Variants in SH3BGRL2 observed in about 807,000 individuals in gnomAD.
SH3BGRL2 encodes SH3 domain binding glutamate rich protein like 2.
In SH3BGRL2, 21 loss-of-function variants were observed where a neutral mutation model predicts 14.8. The ratio of observed to expected loss-of-function variants is 1.42; its 90% CI spans 1.01 to 2.05. The LOEUF (loss-of-function observed/expected upper bound fraction) is 2.05, where lower values mean the gene tolerates loss of function less well. Ranked by LOEUF, SH3BGRL2 falls within the 30% of genes most tolerant of loss-of-function variation. The probability of loss-of-function intolerance (pLI) is 0.00; values close to 1 mark genes in which losing one functional copy is unlikely to be tolerated. For synonymous variants in SH3BGRL2, 50 were observed against 47.8 expected (o/e 1.05, Z -0.19); for missense variants, 147 against 130.8 (o/e 1.12, Z -0.61).
At chr6:79,669,840 G>A (rs905704188) in intron 1 of SH3BGRL2, among the ~76,000 whole-genome samples, 1 of 152,140 alleles carries the variant, frequency 6.6e-6, no homozygotes, top group African/African-American at 2.4e-5. Context: ...ATACAGCAGT[G>A]GAGGGGAAGT....
At chr6:79,685,906 T>A (rs1452819276) in intron 2 of SH3BGRL2, among the ~76,000 whole-genome samples, 1 of 152,208 alleles carries the variant, frequency 6.6e-6, no homozygotes, top group African/African-American at 2.4e-5. Context: ...AACTTTTCCG[T>A]CTTGTATTTT....
chr6:79,661,097 A>G (rs1318491030), intron 1 of SH3BGRL2, among the ~76,000 whole-genome samples: 1 of 152,026 alleles, frequency 6.6e-6, no homozygotes, highest in African/African-American at 2.4e-5. Flanking sequence ...GGATTCATTG[A>G]TTTTTTGAAG....
At chr6:79,632,022 A>AG (rs1768835623) in intron 1 of SH3BGRL2, among the ~76,000 whole-genome samples, 1 of 152,224 alleles carries the variant, frequency 6.6e-6, no homozygotes, top group Non-Finnish European at 1.5e-5. Context: ...CTGCGCAAAG[A>AG]GAATAGTAAA....
the SH3BGRL2 span, among the ~76,000 whole-genome samples, chr6:79,547,366 C>T: frequency 6.6e-6 from 1 of 152,048 alleles, no homozygotes; most frequent in African/African-American, 2.4e-5. Context: ...CTGAGGGAAG[C>T]CTTTCTTTTC....
Position 79,703,549 on chromosome 6 carries a change from G to A in SH3BGRL2, c.*4040G>A, listed in dbSNP as rs1275822930. 1 of 152,154 alleles carries A rather than the reference G, an allele frequency of 6.6e-6. No individual in the cohort carries two copies. Among genetic ancestry groups the A allele is most frequent in the Non-Finnish European group, 1.5e-5 (1 of 68,038 alleles). The allele number at this position is 152,154 out of a possible 1,614,324, so 9.4% of individuals were successfully genotyped here. On this transcript the variant is annotated 3_prime_UTR_variant, in exon 4 of 4. Coordinates refer to ENST00000369838, the MANE Select transcript of SH3BGRL2 (RefSeq NM_031469.4). ...AACCTATCTCTATCCCTGTCTGATA[G>A]AGGGAACCCCTGTACTGAACTTTGT...
At chr6:79,657,217 T>A (rs1769438032) in intron 1 of SH3BGRL2, among the ~76,000 whole-genome samples, 1 of 152,012 alleles carries the variant, frequency 6.6e-6, no homozygotes, top group African/African-American at 2.4e-5. Context: ...AAGGCAGTGA[T>A]ATACGCTTAA....
chr6:79,666,367 CCACCTAGTA>C (rs970616712), intron 1 of SH3BGRL2, among the ~76,000 whole-genome samples: 2 of 152,150 alleles, frequency 1.3e-5, no homozygotes, highest in African/African-American at 4.8e-5. Context: ...TCCAGAAGCT[CCACCTAGTA>C]CACTGAGCTT....
chr6:79,610,827 C>T, the SH3BGRL2 span, among the ~76,000 whole-genome samples: 8 of 152,302 alleles, frequency 5.3e-5, no homozygotes, highest in Admixed American at 3.3e-4. Flanking sequence ...CCATCCTTGT[C>T]CTTCCTGTTG....
At chr6:79,692,095 T>C (rs1237441366) in intron 2 of SH3BGRL2, among the ~76,000 whole-genome samples, 2 of 152,278 alleles carry the variant, frequency 1.3e-5, no homozygotes, top group African/African-American at 4.8e-5. Context: ...TTTGCATTTC[T>C]CTAATGGCCA....
chr6:79,671,464 C>CA (rs1256812740), intron 1 of SH3BGRL2, among the ~76,000 whole-genome samples: 10 of 151,954 alleles, frequency 6.6e-5, no homozygotes, highest in Admixed American at 3.9e-4. Flanking sequence ...CAAAACAAAA[C>CA]AAAAAAATGA....
At chr6:79,581,153 T>C in the SH3BGRL2 span, among the ~76,000 whole-genome samples, 1 of 152,074 alleles carries the variant, frequency 6.6e-6, no homozygotes, top group Admixed American at 6.5e-5. Flanking sequence ...ATTAATAGCC[T>C]ACCAACCAAA....
chr6:79,675,771 CA>C (rs1322548824), intron 2 of SH3BGRL2, among the ~76,000 whole-genome samples: 2 of 152,058 alleles, frequency 1.3e-5, no homozygotes, highest in Non-Finnish European at 2.9e-5. Context: ...TAAATGAATA[CA>C]AGATCTTAAC....
chr6:79,669,452 CTTTT>C (rs66477199), intron 1 of SH3BGRL2, among the ~76,000 whole-genome samples: 4 of 122,922 alleles, frequency 3.3e-5, no homozygotes, highest in East Asian at 2.4e-4. Flanking sequence ...AATTTATATT[CTTTT>C]TTTTTTTTTT....
chr6:79,564,290 C>T, the SH3BGRL2 span, among the ~76,000 whole-genome samples: 26 of 152,032 alleles, frequency 1.7e-4, no homozygotes, highest in East Asian at 3.7e-3. Flanking sequence ...TGAACGATTA[C>T]ATTTGTAAAT....
chr6:79,653,880 T>G (rs1769353645), intron 1 of SH3BGRL2, among the ~76,000 whole-genome samples: 1 of 152,198 alleles, frequency 6.6e-6, no homozygotes, highest in Non-Finnish European at 1.5e-5. Flanking sequence ...CTCAAGCTTC[T>G]TCACTTGGTG....
the SH3BGRL2 span, among the ~76,000 whole-genome samples, chr6:79,586,894 A>G: frequency 6.6e-6 from 1 of 152,348 alleles, no homozygotes; most frequent in African/African-American, 2.4e-5. Flanking sequence ...GTGTGGGCCA[A>G]TAGTGTCTAT....
chr6:79,549,479 T>C, the SH3BGRL2 span, among the ~76,000 whole-genome samples: 1 of 152,184 alleles, frequency 6.6e-6, no homozygotes, highest in Non-Finnish European at 1.5e-5. Flanking sequence ...TTATACCATA[T>C]TTTTACTCTA....
At chr6:79,614,824 G>A in the SH3BGRL2 span, among the ~76,000 whole-genome samples, 14 of 152,130 alleles carry the variant, frequency 9.2e-5, no homozygotes, top group Admixed American at 7.9e-4. Flanking sequence ...TTTCAGAAAG[G>A]ACTGAGACTG....
the SH3BGRL2 span, among the ~76,000 whole-genome samples, chr6:79,584,546 C>A: frequency 1.3e-5 from 2 of 152,040 alleles, no homozygotes; most frequent in East Asian, 3.9e-4. Context: ...TCACCAGCAC[C>A]CCCTGGGAAA....
Sources: allele counts gnomAD v4.1 joint callset (sites outside exome capture counted in the v4.1 genomes callset), GRCh38; gene constraint gnomAD v4.1.1; transcripts MANE v1.5; gene names NCBI Gene and HGNC (gene_info 2026-07-23, HGNC 2026-07-21).